The following PCDHA4 variants were observed in gnomAD, a reference collection of about 807,000 sequenced individuals.
PCDHA4 encodes the protein protocadherin alpha-4.
PCDHA4 carries 49 observed loss-of-function variants against 61.4 expected under a neutral mutation model. The ratio of observed to expected loss-of-function variants is 0.80; its 90% CI spans 0.63 to 1.01. The LOEUF (loss-of-function observed/expected upper bound fraction) is 1.01, where lower values mean the gene tolerates loss of function less well. Among genes scored for constraint, PCDHA4 ranks in the 50% least tolerant of loss-of-function variants. The probability of loss-of-function intolerance (pLI) is 0.00; values close to 1 mark genes in which losing one functional copy is unlikely to be tolerated. For missense variants in PCDHA4, 1,254 were observed against 1,235.8 expected (o/e 1.01, Z -0.22); for synonymous variants, 590 against 550.3 (o/e 1.07, Z -1.01).
intron 1 of PCDHA4, chr5:140,850,119 G>A: frequency 1.3e-6 from 2 of 1,596,076 alleles, no homozygotes; most frequent in East Asian, 2.2e-5. Flanking sequence ...CGACGCGGGC[G>A]TGCCGCCTCT....
In PCDHA4 at chr5:140,850,494, G is replaced by A. The variant is rs140796784; in HGVS notation, c.2385+40922G>A. ...GCTGACGGCCACGGCCACTGTGCTGGTGTCGCTGGTGGAGAGCGGCCAGGC... is the reference window on the plus strand; with the variant it reads ...GCTGACGGCCACGGCCACTGTGCTGATGTCGCTGGTGGAGAGCGGCCAGGC... On this transcript the variant is annotated intron_variant, in intron 1 of 3. Transcript: ENST00000530339. The A allele has an allele frequency of 3.1e-5, 50 of 1,598,140 alleles. 3 individuals carry two copies. In the African/African-American group the frequency reaches 5.6e-4, roughly 18 times the overall value.
chr5:140,848,297 T>C, intron 1 of PCDHA4: 1 of 658,484 alleles, frequency 1.5e-6, no homozygotes, highest in Non-Finnish European at 2.6e-6. Flanking sequence ...TTGGGCCACG[T>C]GATGTCACTC....
In PCDHA4 at chr5:140,849,618, A is replaced by T. The variant is rs2150442599; in HGVS notation, c.2385+40046A>T. On this transcript the variant is annotated intron_variant, in intron 1 of 3. Transcript: ENST00000530339. ...GACAGTTATTGCCCTGATTAGTGTG[A>T]TCGACCTAGACGCAGATGCCAACGG... is the stretch of plus-strand genomic sequence containing the variant. The T allele has an allele frequency of 1.9e-6, 3 of 1,598,686 alleles. No individual in the cohort carries two copies. The South Asian group carries it at 3.3e-5, about 18-fold the overall frequency.
chr5:140,981,698 A>C (rs1414640370), intron 2 of PCDHA4, among the ~76,000 whole-genome samples: 1 of 151,174 alleles, frequency 6.6e-6, no homozygotes, highest in Non-Finnish European at 1.5e-5. Context: ...TCATTCATTC[A>C]TTCATTCATT....
chr5:140,929,713 G>A (rs1328262633), intron 1 of PCDHA4: 3 of 235,294 alleles, frequency 1.3e-5, no homozygotes, highest in Non-Finnish European at 2.6e-5. Flanking sequence ...TAATATGGAA[G>A]GTGAAACATT....
At chr5:140,937,945 G>T (rs1464890227) in intron 1 of PCDHA4, among the ~76,000 whole-genome samples, 1 of 151,840 alleles carries the variant, frequency 6.6e-6, no homozygotes, top group Non-Finnish European at 1.5e-5. Context: ...TTGATAATTG[G>T]CTTTTGTTGA....
At chr5:140,872,910 T>C (rs2053978401) in intron 1 of PCDHA4, among the ~76,000 whole-genome samples, 2 of 152,232 alleles carry the variant, frequency 1.3e-5, no homozygotes, top group African/African-American at 4.8e-5. Context: ...CTCTATCTTG[T>C]AATGCCTTAT....
intron 1 of PCDHA4, chr5:140,842,567 G>A: frequency 1.3e-6 from 2 of 1,504,984 alleles, no homozygotes; most frequent in Non-Finnish European, 1.8e-6. Context: ...CCTGGACCGC[G>A]AGAGAGTGTC....
intron 1 of PCDHA4, chr5:140,875,192 C>T (rs2055339316): frequency 2.0e-6 from 1 of 509,102 alleles, no homozygotes. Flanking sequence ...AAGAGTGACC[C>T]AGGAAGTGGC....
intron 1 of PCDHA4, among the ~76,000 whole-genome samples, chr5:140,911,559 C>T (rs2075532280): frequency 6.6e-6 from 1 of 152,168 alleles, no homozygotes; most frequent in Non-Finnish European, 1.5e-5. Flanking sequence ...CATTTTCTTT[C>T]ATCACTTTGT....
Position 141,004,377 on chromosome 5 carries a change from C to T in PCDHA4, c.2534-5250C>T, listed in dbSNP as rs567018582. Among the ~76,000 whole-genome samples the T allele has an allele frequency of 3.9e-5, 6 of 152,294 alleles. No homozygotes were observed. The South Asian group carries it at 6.2e-4, about 16-fold the overall frequency. ...AGAGACCACACCTTGTTCTGCTCTG[C>T]GGAAGCTGGACATGTGGAGGAGGCA... On this transcript the variant is annotated intron_variant, in intron 3 of 3. Coordinates refer to ENST00000530339, the MANE Select transcript of PCDHA4 (RefSeq NM_018907.4).
chr5:140,843,871 A>G, intron 1 of PCDHA4: 1 of 816,250 alleles, frequency 1.2e-6, no homozygotes, highest in East Asian at 2.7e-5. Context: ...GAATTTTCTC[A>G]GTGGCATAAT....
rs557419543 is a variant in PCDHA4, at chr5:140,854,019, G to A, written c.2385+44447G>A. On this transcript the variant is annotated intron_variant, in intron 1 of 3. Transcript: ENST00000530339. ...CTCTGCCAAAAAAAAAAAATTAGCCGGGCATGGTGGCACACATCTCTAGTC... is the reference window on the plus strand; with the variant it reads ...CTCTGCCAAAAAAAAAAAATTAGCCAGGCATGGTGGCACACATCTCTAGTC... 8.1e-5 allele frequency: 27 copies of A among 335,108 alleles called. No homozygotes were observed. In the South Asian group the frequency reaches 3.3e-3, roughly 41 times the overall value. 20.8% of individuals were successfully genotyped at this position (335,108 alleles called of 1,614,324 possible). A position where few individuals can be genotyped will look rare whatever the true frequency, so the allele number is the denominator to read the frequency against.
At chr5:140,828,752 G>C in intron 1 of PCDHA4, 1 of 1,614,226 alleles carries the variant, frequency 6.2e-7, no homozygotes, top group Admixed American at 1.7e-5. Context: ...GGGCAAACCT[G>C]AGCTCACAGG....
At chr5:140,848,313 C>T in intron 1 of PCDHA4, 1 of 730,618 alleles carries the variant, frequency 1.4e-6, no homozygotes, top group Non-Finnish European at 2.3e-6. Context: ...CACTCTTTGC[C>T]GCGATGTTCT....
In PCDHA4 at chr5:140,857,915, G is replaced by A. The variant is rs1265955881; in HGVS notation, c.2385+48343G>A. The A allele has an allele frequency of 4.6e-5, 74 of 1,597,796 alleles. 10 individuals carry two copies. The highest frequency in any genetic ancestry group is 6.0e-5 in the Non-Finnish European group (70 of 1,167,592). On this transcript the variant is annotated intron_variant, in intron 1 of 3. Transcript: ENST00000530339. ...GGTTGGTGCACGCATCCCGTTTCGC[G>A]TGGGGCTGTACACGGGCGAGATCAG...
At chr5:140,927,360 T>G in intron 1 of PCDHA4, 1 of 1,613,972 alleles carries the variant, frequency 6.2e-7, no homozygotes, top group Non-Finnish European at 8.5e-7. Flanking sequence ...AGGGAAGCAA[T>G]GGGATACTAA....
chr5:140,884,468 C>G, intron 1 of PCDHA4: 4 of 1,613,762 alleles, frequency 2.5e-6, no homozygotes, highest in Non-Finnish European at 3.4e-6. Context: ...CGCGTGCGCG[C>G]CGGGCAAGCC....
At chr5:140,830,047 A>AGAC in intron 1 of PCDHA4, 1 of 1,613,730 alleles carries the variant, frequency 6.2e-7, no homozygotes, top group Non-Finnish European at 8.5e-7. Context: ...TGCTGGTGAA[A>AGAC]GACCACGGTG....
Sources: allele counts gnomAD v4.1 joint callset (sites outside exome capture counted in the v4.1 genomes callset), GRCh38; gene constraint gnomAD v4.1.1; transcripts MANE v1.5; gene names NCBI Gene and HGNC (gene_info 2026-07-23, HGNC 2026-07-21).